The following TTLL4 variants were observed in gnomAD, a reference collection of about 807,000 sequenced individuals.
TTLL4 encodes the protein tubulin tyrosine ligase like 4.
In TTLL4, 85 loss-of-function variants were observed where a neutral mutation model predicts 122.7. That is an observed-to-expected ratio of 0.69 (90% CI 0.58 to 0.83). The LOEUF (loss-of-function observed/expected upper bound fraction) is 0.83, where lower values mean the gene tolerates loss of function less well. Ranked by LOEUF, TTLL4 falls within the 40% of genes least tolerant of loss-of-function variation. TTLL4 has a pLI of 0.00. For missense variants in TTLL4, 1,363 were observed against 1,488.6 expected (o/e 0.92, Z 1.39); for synonymous variants, 553 against 563.0 (o/e 0.98, Z 0.25).
At chr2:218,753,465 T>C (rs1217342076) in intron 18 of TTLL4, 119 bp from the exon 19 acceptor site, 1 of 1,045,350 alleles carries the variant, frequency 9.6e-7, no homozygotes, top group Non-Finnish European at 1.5e-6. Context: ...GCCTGAGGGG[T>C]AGGGAAGGGG....
At chr2:218,756,640 A>G (rs1943156549), downstream of TTLL4, among the ~76,000 whole-genome samples, 1 of 152,180 alleles carries the variant, frequency 6.6e-6, no homozygotes, top group African/African-American at 2.4e-5. Context: ...GCTAAGCAGG[A>G]ATTTTTGAGA....
At chr2:218,741,877 C>A (rs1470734190) in intron 5 of TTLL4, among the ~76,000 whole-genome samples, 3 of 152,126 alleles carry the variant, frequency 2.0e-5, no homozygotes, top group Non-Finnish European at 4.4e-5. Context: ...TAATCATTTG[C>A]TCATTAATTA....
rs1313926113 is a variant in TTLL4, at chr2:218,719,836, ATC to A, written c.-177-7431_-177-7430del. 4.6e-5 allele frequency among the ~76,000 whole-genome samples: 7 copies of A among 152,334 alleles called. No homozygotes were observed. In the East Asian group the frequency reaches 9.7e-4, roughly 21 times the overall value. ...CTGATGAAGCAATACAGCAAAATTA[ATC>A]TGGAGGTTGCCTGCAGGGTGGAATT... On this transcript the variant is annotated intron_variant, in intron 1 of 19. Coordinates refer to ENST00000392102, the MANE Select transcript of TTLL4 (RefSeq NM_014640.5).
intron 2 of TTLL4, among the ~76,000 whole-genome samples, chr2:218,729,430 G>A (rs928995395): frequency 2.0e-5 from 3 of 151,960 alleles, no homozygotes; most frequent in Non-Finnish European, 2.9e-5. Flanking sequence ...TTGAGTTCTG[G>A]GATTTTACTG....
rs1166822528 is a variant in TTLL4, at chr2:218,747,703, C to T, written c.2356C>T (p.Leu786=). ...GCGGATTTACCTCTTTTCAGATGGA[C>T]TGGTCCGCTTTGCCAGTTGCAAGTA... The part of the protein sequence containing the change: ...PLRIYLFSDG[L]VRFASCKYSP... The change falls in exon 11 of 20, where the codon CTG becomes TTG. Residue 786 remains leucine, a synonymous_variant. Transcript: ENST00000392102. The surrounding 1 kb of genome is among the most constrained non-coding windows in gnomAD (Gnocchi z 4.7). 1 of 1,614,232 alleles carries T rather than the reference C, an allele frequency of 6.2e-7. No homozygotes were observed. Among genetic ancestry groups the T allele is most frequent in the Non-Finnish European group, 8.5e-7 (1 of 1,180,044 alleles).
In TTLL4 at chr2:218,747,914, T is replaced by A; in HGVS notation, c.2378+189T>A. On this transcript the variant is annotated intron_variant, in intron 11 of 19. Transcript: ENST00000392102. This position sits in a 1 kb window ranked among gnomAD's most constrained non-coding sequence, Gnocchi z 4.7. ...GGTCTTCCTGCATGCGGGACTGAGGTGGGATAAAGGAGATGAGTTTAGCTG... is the reference window on the plus strand; with the variant it reads ...GGTCTTCCTGCATGCGGGACTGAGGAGGGATAAAGGAGATGAGTTTAGCTG... 1 of 1,110,262 alleles carries A rather than the reference T, an allele frequency of 9.0e-7. No homozygotes were observed. Among genetic ancestry groups the A allele is most frequent in the Non-Finnish European group, 1.3e-6 (1 of 781,686 alleles). 68.8% of individuals were successfully genotyped at this position (1,110,262 alleles called of 1,614,324 possible).
Position 218,754,401 on chromosome 2 carries a change from C to T in TTLL4, c.*12C>T. 3 of 1,613,728 alleles carry T rather than the reference C, an allele frequency of 1.9e-6. No individual in the cohort carries two copies. The highest frequency in any genetic ancestry group is 1.3e-5 in the African/African-American group (1 of 75,044). ...CTGTGAGCCCATAACTGGCCTCTCT[C>T]CAAAAGCCTCTGCCCAGGAGCATGG... On this transcript the variant is annotated 3_prime_UTR_variant, in exon 20 of 20. Transcript: ENST00000392102.
chr2:218,715,627 AAT>A (rs1559355050), intron 1 of TTLL4, among the ~76,000 whole-genome samples: 1 of 151,936 alleles, frequency 6.6e-6, no homozygotes, highest in Non-Finnish European at 1.5e-5. Context: ...AAGGAATGAT[AAT>A]CTTTTTTTTT....
In TTLL4 at chr2:218,755,203, G is replaced by C. The variant is rs1943128445; in HGVS notation, c.*814G>C. ...TATCAAAGGACACAGTCCAGGGGGA[G>C]GGTGGAAGGAGATGTGGTTTCTCTA... On this transcript the variant is annotated 3_prime_UTR_variant, in exon 20 of 20. Transcript: ENST00000392102. 6 of 152,188 alleles carry C rather than the reference G, an allele frequency of 3.9e-5. No individual in the cohort carries two copies. Among genetic ancestry groups the C allele is most frequent in the African/African-American group, 1.4e-4 (6 of 41,416 alleles). 9.4% of individuals were successfully genotyped at this position (152,188 alleles called of 1,614,324 possible).
At position 218,738,317 on chromosome 2, in the gene TTLL4, A is replaced by C. The variant is rs1382175099; in HGVS notation, c.641A>C (p.Lys214Thr). 6.2e-7 allele frequency: 1 copy of C among 1,613,962 alleles called. No homozygotes were observed. Among genetic ancestry groups the C allele is most frequent in the East Asian group, 2.2e-5 (1 of 44,864 alleles). ...KIPSPLSSSY[K>T]PMLNNNSFMW... ...CCATCTCCACTCTCTTCCTCCTATA[A>C]GCCCATGCTGAATAATAATTCCTTC... Residue 214 changes from lysine (K) to threonine (T), a missense_variant, in exon 3 of 20, where the codon AAG becomes ACG. Coordinates refer to ENST00000392102, the MANE Select transcript of TTLL4 (RefSeq NM_014640.5).
chr2:218,712,190 C>A (rs1443673588), intron 1 of TTLL4, among the ~76,000 whole-genome samples: 2 of 152,084 alleles, frequency 1.3e-5, no homozygotes, highest in African/African-American at 4.8e-5. Flanking sequence ...TGGAGGGAGC[C>A]ATCCAGTAAC....
chr2:218,750,992 C>G (rs934026086), intron 15 of TTLL4, among the ~76,000 whole-genome samples: 3 of 152,168 alleles, frequency 2.0e-5, no homozygotes, highest in African/African-American at 7.2e-5. Context: ...TCCAATAACC[C>G]TGTAAGGTTA....
At position 218,749,332 on chromosome 2, in the gene TTLL4, A is replaced by G. The variant is rs748006749; in HGVS notation, c.2680A>G (p.Ile894Val). ...CTGCCATGAACTCTTTGGTTTTGAC[A>G]TCATGCTAGACGAAAACCTCAAGCC... ...YSCHELFGFD[I>V]MLDENLKPWV... The change falls in exon 14 of 20, where the codon ATC (isoleucine) becomes GTC (valine). Residue 894 changes from isoleucine to valine, a missense_variant. Ile to Val is a conservative substitution (Grantham distance 29, BLOSUM62 3). Around this residue, in one of 3 missense-constraint regions of TTLL4, gnomAD observed 596 missense variants for 655.8 expected, o/e 0.91. Coordinates refer to ENST00000392102, the MANE Select transcript of TTLL4 (RefSeq NM_014640.5). 1 of 1,614,196 alleles carries G rather than the reference A, an allele frequency of 6.2e-7. No homozygotes were observed. The highest frequency in any genetic ancestry group is 1.1e-5 in the South Asian group (1 of 91,080).
chr2:218,734,273 A>G (rs762593476), intron 2 of TTLL4, among the ~76,000 whole-genome samples: 5 of 152,226 alleles, frequency 3.3e-5, no homozygotes, highest in Non-Finnish European at 7.3e-5. Flanking sequence ...GGTACCAGAC[A>G]TTCATTAGGT....
chr2:218,740,180 C>T lies in TTLL4; in HGVS notation c.1597+13C>T, dbSNP rs759192263. ...GAAGAGGAGGAGGGTGAGTAGGAAA[C>T]CCTTTCACTTCCAACTAGGAGTTGG... On this transcript the variant is annotated intron_variant, in intron 4 of 19. Transcript: ENST00000392102. The T allele has an allele frequency of 6.2e-7, 1 of 1,612,814 alleles. No individual in the cohort carries two copies.
At chr2:218,739,780 G>A (rs892524048) in intron 3 of TTLL4, among the ~76,000 whole-genome samples, 1 of 152,216 alleles carries the variant, frequency 6.6e-6, no homozygotes, top group African/African-American at 2.4e-5. Context: ...TCCATTGATG[G>A]TTTTTTAGAT....
intron 1 of TTLL4, among the ~76,000 whole-genome samples, chr2:218,719,032 C>T (rs1301640896): frequency 1.3e-5 from 2 of 152,136 alleles, no homozygotes; most frequent in Non-Finnish European, 2.9e-5. Context: ...CCCCTTTATT[C>T]AAGTTTTATT....
At chr2:218,733,486 C>T (rs1559363870) in intron 2 of TTLL4, among the ~76,000 whole-genome samples, 1 of 152,164 alleles carries the variant, frequency 6.6e-6, no homozygotes, top group Non-Finnish European at 1.5e-5. Flanking sequence ...GGAAATCCGC[C>T]TCCATGATCC....
At chr2:218,741,142 C>G (rs985586886) in intron 5 of TTLL4, among the ~76,000 whole-genome samples, 1 of 152,170 alleles carries the variant, frequency 6.6e-6, no homozygotes, top group Admixed American at 6.5e-5. Flanking sequence ...GTAATCCTAA[C>G]ACTTTGGGAG....
Sources: gnomAD v4.1 joint callset for allele counts (sites outside exome capture counted in the v4.1 genomes callset) on GRCh38, gnomAD v4.1.1 for gene constraint, gnomAD v4.1.1 regional missense constraint, Gnocchi (gnomAD v3.1) non-coding constraint, MANE v1.5 for transcripts, NCBI Gene and HGNC (gene_info 2026-07-23, HGNC 2026-07-21) for gene names.